Variants in PDZD2 observed in about 807,000 individuals in gnomAD.
PDZD2 encodes the protein PDZ domain-containing protein 2.
In PDZD2, 90 loss-of-function variants were observed where a neutral mutation model predicts 220.7. The ratio of observed to expected loss-of-function variants is 0.41; its 90% CI spans 0.34 to 0.49. The LOEUF (loss-of-function observed/expected upper bound fraction) is 0.49. PDZD2 is among the 20% of genes least tolerant of loss of function. The probability of loss-of-function intolerance (pLI) is 0.28; values close to 1 mark genes in which losing one functional copy is unlikely to be tolerated. For synonymous variants in PDZD2, 1,375 were observed against 1,450.5 expected (o/e 0.95, Z 1.18); for missense variants, 3,174 against 3,608.5 (o/e 0.88, Z 3.08).
chr5:31,825,925 A>G (rs1028468579), intron 2 of PDZD2, among the ~76,000 whole-genome samples: 1 of 110,436 alleles, frequency 9.1e-6, no homozygotes, highest in Non-Finnish European at 1.9e-5. Flanking sequence ...AACAGGTGTC[A>G]AGCAAAAGGA....
At chr5:31,972,131 C>T (rs1749353600) in intron 2 of PDZD2, among the ~76,000 whole-genome samples, 1 of 152,110 alleles carries the variant, frequency 6.6e-6, no homozygotes, top group Non-Finnish European at 1.5e-5. Flanking sequence ...TTCAGTGTTT[C>T]GTTGAGGGTT....
chr5:31,661,289 C>T (rs1421675597), intron 1 of PDZD2: 1 of 152,190 alleles, frequency 6.6e-6, no homozygotes, highest in Non-Finnish European at 1.5e-5. Context: ...TCATACATTA[C>T]AGGGGAATTG....
chr5:31,747,446 G>C (rs1179107629), intron 1 of PDZD2, among the ~76,000 whole-genome samples: 1 of 152,158 alleles, frequency 6.6e-6, no homozygotes, highest in Admixed American at 6.5e-5. Flanking sequence ...GGACAGCAAG[G>C]AGAAGTTAAG....
At chr5:31,810,262 G>T (rs929069729) in intron 2 of PDZD2, among the ~76,000 whole-genome samples, 2 of 139,580 alleles carry the variant, frequency 1.4e-5, no homozygotes, top group Non-Finnish European at 3.1e-5. Flanking sequence ...CTTCTCCAGA[G>T]ATTTTTTTTT....
chr5:32,029,588 A>G (rs1417610485), intron 6 of PDZD2, among the ~76,000 whole-genome samples: 1 of 152,038 alleles, frequency 6.6e-6, no homozygotes, highest in Non-Finnish European at 1.5e-5. Flanking sequence ...GTGGATTTGC[A>G]TCACAGCTGA....
chr5:31,863,136 C>T (rs940738642), intron 2 of PDZD2, among the ~76,000 whole-genome samples: 4 of 152,210 alleles, frequency 2.6e-5, no homozygotes, highest in South Asian at 2.1e-4. Flanking sequence ...CTGCCTGCCT[C>T]GACCTCCCAA....
Position 31,990,635 on chromosome 5 carries a change from G to A in PDZD2, c.979-4941G>A, listed in dbSNP as rs545279775. Among the ~76,000 whole-genome samples, 8 of 152,230 alleles carry A rather than the reference G, an allele frequency of 5.3e-5. No homozygotes were observed. The South Asian group carries it at 6.2e-4, about 12-fold the overall frequency. ...ACCATCATGGAACTGTAAGATTAGC[G>A]GATAAACATTCTATATTTGTTCATT... On this transcript the variant is annotated intron_variant, in intron 3 of 24. Coordinates refer to ENST00000438447, the MANE Select transcript of PDZD2 (RefSeq NM_178140.4).
intron 10 of PDZD2, 129 bp downstream of exon 10, chr5:32,054,012 T>C: frequency 1.6e-6 from 1 of 619,692 alleles, no homozygotes; most frequent in South Asian, 1.9e-5. Flanking sequence ...GCATAGTCAG[T>C]GTAACCTGAG....
intron 2 of PDZD2, among the ~76,000 whole-genome samples, chr5:31,861,056 T>C (rs906206649): frequency 1.3e-5 from 2 of 152,280 alleles, no homozygotes; most frequent in East Asian, 1.9e-4. Flanking sequence ...AAGTCTGTCG[T>C]GGAGTTTCTA....
intron 2 of PDZD2, among the ~76,000 whole-genome samples, chr5:31,943,902 T>C (rs866531032): frequency 6.6e-6 from 1 of 152,224 alleles, no homozygotes; most frequent in South Asian, 2.1e-4. Flanking sequence ...ATAATGGATG[T>C]AGGCAACAAA....
At chr5:32,072,022 G>A (rs1740796540) in intron 16 of PDZD2, 139 bp from the exon 17 acceptor site, 2 of 606,488 alleles carry the variant, frequency 3.3e-6, no homozygotes, top group East Asian at 2.7e-5. Context: ...GGTACATGGA[G>A]GTTGGTGTTT....
intron 1 of PDZD2, among the ~76,000 whole-genome samples, chr5:31,651,994 A>ATTT (rs10676854): frequency 0.73 from 94,428 of 130,128 alleles, 36,615 homozygotes; most frequent in East Asian, 0.95. Context: ...TAATTTTTGT[A>ATTT]TTTTTTTTTT....
intron 2 of PDZD2, among the ~76,000 whole-genome samples, chr5:31,976,652 C>T (rs560091902): frequency 2.0e-5 from 3 of 151,812 alleles, no homozygotes; most frequent in African/African-American, 7.2e-5. Flanking sequence ...AGCCAGTGCC[C>T]AGTGGTGGTG....
intron 1 of PDZD2, among the ~76,000 whole-genome samples, chr5:31,748,628 C>G (rs1320734250): frequency 6.6e-6 from 1 of 152,202 alleles, no homozygotes; most frequent in Non-Finnish European, 1.5e-5. Context: ...AAAGGCTGTT[C>G]CCTGCATGTA....
chr5:31,840,850 T>C lies in PDZD2; in HGVS notation c.476+41126T>C, dbSNP rs537474694. ...TTTTGAACAGTACCCATTCCCTTGA[T>C]GTCTACAATATCACCTTTCTTATAG... is the stretch of plus-strand genomic sequence containing the variant. On this transcript the variant is annotated intron_variant, in intron 2 of 24. Coordinates refer to ENST00000438447, the MANE Select transcript of PDZD2 (RefSeq NM_178140.4). The C allele has an allele frequency of 7.8e-5, 57 of 727,166 alleles. 1 individual carries two copies. The Admixed American group carries it at 1.0e-3, about 13-fold the overall frequency. The allele number at this position is 727,166 out of a possible 1,614,324, so 45.0% of individuals were successfully genotyped here. A position where few individuals can be genotyped will look rare whatever the true frequency, so the allele number is the denominator to read the frequency against.
intron 19 of PDZD2, among the ~76,000 whole-genome samples, chr5:32,086,006 C>T (rs1742415471): frequency 6.6e-6 from 1 of 152,146 alleles, no homozygotes; most frequent in Non-Finnish European, 1.5e-5. Context: ...TGGCCAAACT[C>T]CCCTTGTCAG....
chr5:31,983,366 G>GCC lies in PDZD2; in HGVS notation c.691_692dup (p.Glu232LeufsTer36). On this transcript the variant is annotated frameshift_variant, in exon 3 of 25. Transcript: ENST00000438447. LOFTEE classifies it high-confidence loss of function. ...CATCTCCAGGCCTCCTGCCAACAAGGCCCCTGAAGAATCCAAGGGCAGCGC... is the reference window on the plus strand; with the variant it reads ...CATCTCCAGGCCTCCTGCCAACAAGGCCCCCCTGAAGAATCCAAGGGCAGCGC... 6.2e-7 allele frequency: 1 copy of GCC among 1,614,178 alleles called. No homozygotes were observed. The highest frequency in any genetic ancestry group is 8.5e-7 in the Non-Finnish European group (1 of 1,180,030).
intron 21 of PDZD2, among the ~76,000 whole-genome samples, chr5:32,094,861 G>A (rs187840727): frequency 8.9e-4 from 136 of 152,284 alleles, no homozygotes; most frequent in Admixed American, 1.2e-3. Flanking sequence ...CTGGGTGACA[G>A]AGCAAGACCC....
At chr5:31,870,170 G>C (rs1738653746) in intron 2 of PDZD2, among the ~76,000 whole-genome samples, 1 of 152,166 alleles carries the variant, frequency 6.6e-6, no homozygotes, top group East Asian at 1.9e-4. Flanking sequence ...TCAGGACTTA[G>C]TACCATACCG....
Sources: gnomAD v4.1 joint callset for allele counts (sites outside exome capture counted in the v4.1 genomes callset) on GRCh38, gnomAD v4.1.1 for gene constraint, MANE v1.5 for transcripts, NCBI Gene and HGNC (gene_info 2026-07-23, HGNC 2026-07-21) for gene names.